The following ELOA2 variants were observed in gnomAD, a reference collection of about 807,000 sequenced individuals.
ELOA2 encodes the protein elongin-A2.
For synonymous variants in ELOA2, 497 were observed against 398.8 expected (o/e 1.25, Z -2.94); for missense variants, 1,271 against 979.7 (o/e 1.30, Z -3.97).
Position 47,034,235 on chromosome 18 carries a change from G to T in ELOA2, c.1030C>A (p.Arg344=), listed in dbSNP as rs539553515. The T allele has an allele frequency of 1.9e-5, 31 of 1,613,798 alleles. No homozygotes were observed. In the African/African-American group the frequency reaches 2.9e-4, roughly 15 times the overall value. ...PEEKEQLSND[R]ETQEGKPPTA... ...GGTGGCTTCCCCTCTTGAGTCTCTC[G>T]GTCGTTGGAAAGCTGCTCTTTCTCC... is the stretch of plus-strand genomic sequence containing the variant. The change falls in exon 1 of 1, where the codon CGA becomes AGA. Residue 344 remains arginine (R), a synonymous_variant. Transcript: ENST00000332567.
rs1170628063 is a variant in ELOA2 at position 47,035,181 on chromosome 18, C to G, written c.84G>C (p.Glu28Asp). The G allele has an allele frequency of 2.5e-6, 4 of 1,612,264 alleles. No individual in the cohort carries two copies. The highest frequency in any genetic ancestry group is 1.3e-5 in the African/African-American group (1 of 74,884). The change falls in exon 1 of 1, where the codon GAG (glutamate) becomes GAC (aspartate). Residue 28 changes from glutamate to aspartate, a missense_variant. Coordinates refer to ENST00000332567, the MANE Select transcript of ELOA2 (RefSeq NM_016427.3). ...LATKTEPKKLEKYLQKLSALP... is the reference protein window; with the variant it reads ...LATKTEPKKLDKYLQKLSALP... ...AGGCGGAGAGTTTCTGCAAATATTT[C>G]TCTAGCTTTTTCGGCTCCGTCTTAG...
Position 47,032,664 on chromosome 18 carries a change from A to G in ELOA2, c.*339T>C, listed in dbSNP as rs1254725650. The G allele has an allele frequency of 7.2e-6, 2 of 279,602 alleles. No homozygotes were observed. Among genetic ancestry groups the G allele is most frequent in the Admixed American group, 1.0e-4 (2 of 19,404 alleles). 17.3% of individuals were successfully genotyped at this position (279,602 alleles called of 1,614,324 possible). The stretch of plus-strand genomic sequence containing the variant: ...AGAAGTTCTTATCTACTTGATTTCG[A>G]AAAAAAAAAGAAAGGAAAAAGGAAA... On this transcript the variant is annotated 3_prime_UTR_variant, in exon 1 of 1. Transcript: ENST00000332567.
At position 47,032,769 on chromosome 18, in the gene ELOA2, T is replaced by A. The variant is rs141215719; in HGVS notation, c.*234A>T. ...CAGTGAACATCCAAAATAGAATTGT[T>A]CCCAATGCGTTCATATCTTCTGAAT... On this transcript the variant is annotated 3_prime_UTR_variant, in exon 1 of 1. Transcript: ENST00000332567. 3,606 of 692,710 alleles carry A rather than the reference T, an allele frequency of 5.2e-3. 14 individuals are homozygous for A. The highest frequency in any genetic ancestry group is 6.7e-3 in the Non-Finnish European group (2,816 of 421,844). The allele number at this position is 692,710 out of a possible 1,614,324, so 42.9% of individuals were successfully genotyped here. A position where few individuals can be genotyped will look rare whatever the true frequency, so the allele number is the denominator to read the frequency against.
At position 47,032,812 on chromosome 18, in the gene ELOA2, G is replaced by T; in HGVS notation, c.*191C>A. ...TTCTGAATTCTGAGGTGTTCTCCAA[G>T]CTGGGAGGTAGTGGCTGGGTGTGGG... On this transcript the variant is annotated 3_prime_UTR_variant, in exon 1 of 1. Transcript: ENST00000332567. 9.9e-7 allele frequency: 1 copy of T among 1,005,066 alleles called. No individual in the cohort carries two copies. Among genetic ancestry groups the T allele is most frequent in the Non-Finnish European group, 1.4e-6 (1 of 690,242 alleles). The allele number at this position is 1,005,066 out of a possible 1,614,324, so 62.3% of individuals were successfully genotyped here. A position where few individuals can be genotyped will look rare whatever the true frequency, so the allele number is the denominator to read the frequency against.
At position 47,034,579 on chromosome 18, in the gene ELOA2, G is replaced by A. The variant is rs967841942; in HGVS notation, c.686C>T (p.Ser229Leu). The A allele has an allele frequency of 1.2e-6, 2 of 1,614,192 alleles. No homozygotes were observed. Among genetic ancestry groups the A allele is most frequent in the South Asian group, 1.1e-5 (1 of 91,080 alleles). Residue 229 changes from serine (S) to leucine (L), a missense_variant, in exon 1 of 1, where the codon TCG becomes TTG. By Grantham distance (145) the Ser-to-Leu change is moderately radical (BLOSUM62 -2). Transcript: ENST00000332567. ...AVVSHSKGHK[S>L]SRQEKRPLCA... is the part of the protein sequence containing the mutation. ...CAAGGGGCGTTTTTCCTGGCGAGAC[G>A]ATTTGTGCCCCTTGCTGTGGCTCAC...
At position 47,034,389 on chromosome 18, in the gene ELOA2, C is replaced by G. The variant is rs1416199652; in HGVS notation, c.876G>C (p.Gln292His). Residue 292 changes from glutamine (Q) to histidine (H), a missense_variant, in exon 1 of 1, where the codon CAG becomes CAC. By Grantham distance (24) the Gln-to-His change is conservative. Coordinates refer to ENST00000332567, the MANE Select transcript of ELOA2 (RefSeq NM_016427.3). ...GAGCCTCCTCCAAGGCAGGGACACG[C>G]TGGCCGCTGCCAGCTTGCCCCCCTT... is the stretch of plus-strand genomic sequence containing the variant. Reference protein sequence around the residue: ...DKEGGQAGSGQRVPALEEAPD... With the variant: ...DKEGGQAGSGHRVPALEEAPD... 6.2e-7 allele frequency: 1 copy of G among 1,614,068 alleles called. No homozygotes were observed. The highest frequency in any genetic ancestry group is 8.5e-7 in the Non-Finnish European group (1 of 1,180,032).
chr18:47,032,814 T>A lies in ELOA2; in HGVS notation c.*189A>T. The A allele has an allele frequency of 2.0e-6, 2 of 1,019,172 alleles. No homozygotes were observed. Among genetic ancestry groups the A allele is most frequent in the Non-Finnish European group, 2.8e-6 (2 of 702,012 alleles). 63.1% of individuals were successfully genotyped at this position (1,019,172 alleles called of 1,614,324 possible). On this transcript the variant is annotated 3_prime_UTR_variant, in exon 1 of 1. Transcript: ENST00000332567. ...CTGAATTCTGAGGTGTTCTCCAAGC[T>A]GGGAGGTAGTGGCTGGGTGTGGGAG...
rs751401262 is a variant in ELOA2 at position 47,034,339 on chromosome 18, T to C, written c.926A>G (p.Gln309Arg). ...CCTCTTCTTGTTCGAGTGACTGTGC[T>C]GAGGCCTCTTCTGGTGACTGTCTGG... ...EAPDSHQKRP[Q>R]HSHSNKKRPS... Residue 309 changes from glutamine (Q) to arginine (R), a missense_variant, in exon 1 of 1, where the codon CAG (glutamine) becomes CGG (arginine). Transcript: ENST00000332567. The C allele has an allele frequency of 5.6e-6, 9 of 1,613,476 alleles. No homozygotes were observed. The highest frequency in any genetic ancestry group is 6.8e-6 in the Non-Finnish European group (8 of 1,179,526).
rs1239565290 is a variant in ELOA2, at chr18:47,035,039, G to C, written c.226C>G (p.Leu76Val). 3 of 1,611,878 alleles carry C rather than the reference G, an allele frequency of 1.9e-6. No individual in the cohort carries two copies. Among genetic ancestry groups the C allele is most frequent in the East Asian group, 4.5e-5 (2 of 44,876 alleles). ...CGGGTGTTTCGGTCCACGAGCACCA[G>C]CTTCTTCCACCGGGCCGCTAAGTCT... is the stretch of plus-strand genomic sequence containing the variant. ...ARDLAARWKK[L>V]VLVDRNTRPG... Residue 76 changes from leucine (L) to valine (V), a missense_variant, in exon 1 of 1, where the codon CTG becomes GTG. Coordinates refer to ENST00000332567, the MANE Select transcript of ELOA2 (RefSeq NM_016427.3).
rs1490082768 is a variant in ELOA2 at position 47,034,318 on chromosome 18, T to A, written c.947A>T (p.Lys316Met). The A allele has an allele frequency of 1.2e-6, 2 of 1,612,940 alleles. No individual in the cohort carries two copies. Among genetic ancestry groups the A allele is most frequent in the East Asian group, 2.2e-5 (1 of 44,830 alleles). The part of the protein sequence containing the change: ...KRPQHSHSNK[K>M]RPSLDGRDPG... ...GTCCCGGCCGTCTAGACTGGGCCTC[T>A]TCTTGTTCGAGTGACTGTGCTGAGG... The change falls in exon 1 of 1, where the codon AAG becomes ATG. Residue 316 changes from lysine to methionine, a missense_variant. By Grantham distance (95) the Lys-to-Met change is moderately conservative. Coordinates refer to ENST00000332567, the MANE Select transcript of ELOA2 (RefSeq NM_016427.3).
Position 47,035,109 on chromosome 18 carries a change from C to A in ELOA2, c.156G>T (p.Thr52=), listed in dbSNP as rs571433863. Residue 52 remains threonine, a synonymous_variant, in exon 1 of 1, where the codon ACG becomes ACT. Coordinates refer to ENST00000332567, the MANE Select transcript of ELOA2 (RefSeq NM_016427.3). The part of the protein sequence containing the change: ...DILAETGIRK[T]VKRLRKHQHV... ...GCTGGTGCTTCCGCAGGCGCTTCAC[C>A]GTCTTTCTGATTCCAGTCTCCGCCA... 4 of 1,611,080 alleles carry A rather than the reference C, an allele frequency of 2.5e-6. No individual in the cohort carries two copies. The highest frequency in any genetic ancestry group is 3.3e-5 in the Admixed American group (2 of 59,818).
In ELOA2 at chr18:47,034,158, C is replaced by A; in HGVS notation, c.1107G>T (p.Glu369Asp). Residue 369 changes from glutamate (E) to aspartate (D), a missense_variant, in exon 1 of 1, where the codon GAG becomes GAT. Physicochemically the swap from Glu to Asp is conservative, Grantham distance 45. Coordinates refer to ENST00000332567, the MANE Select transcript of ELOA2 (RefSeq NM_016427.3). Reference sequence around the variant, plus strand: ...GCTCGAATTCCTCAGCCATATCTACCTCCTCCACCTCAGAGAGGGAGCTCA... The same window carrying A: ...GCTCGAATTCCTCAGCCATATCTACATCCTCCACCTCAGAGAGGGAGCTCA... ...TSVSSLSEVE[E>D]VDMAEEFEQP... 6.2e-7 allele frequency: 1 copy of A among 1,614,214 alleles called. No homozygotes were observed. Among genetic ancestry groups the A allele is most frequent in the Non-Finnish European group, 8.5e-7 (1 of 1,180,048 alleles).
Position 47,032,894 on chromosome 18 carries a change from CACCAAGTTAA to C in ELOA2, c.*99_*108del. 1 of 1,590,168 alleles carries C rather than the reference CACCAAGTTAA, an allele frequency of 6.3e-7. No homozygotes were observed. Among genetic ancestry groups the C allele is most frequent in the Non-Finnish European group, 8.6e-7 (1 of 1,167,446 alleles). ...TGCAGAATTCAAAGGCTCAACTTTG[CACCAAGTTAA>C]AGGTTCTGGTGTCCATTGGAAGTTT... On this transcript the variant is annotated 3_prime_UTR_variant, in exon 1 of 1. Coordinates refer to ENST00000332567, the MANE Select transcript of ELOA2 (RefSeq NM_016427.3).
In ELOA2 at chr18:47,032,848, A is replaced by G. The variant is rs2060539599; in HGVS notation, c.*155T>C. On this transcript the variant is annotated 3_prime_UTR_variant, in exon 1 of 1. Coordinates refer to ENST00000332567, the MANE Select transcript of ELOA2 (RefSeq NM_016427.3). ...GTGGCTGGGTGTGGGAGGCAAAATC[A>G]CAGGGCCAGCACATGACACCTGCAG... The G allele has an allele frequency of 1.4e-6, 2 of 1,457,262 alleles. No individual in the cohort carries two copies. Among genetic ancestry groups the G allele is most frequent in the Non-Finnish European group, 1.8e-6 (2 of 1,081,520 alleles). The allele number at this position is 1,457,262 out of a possible 1,614,324, so 90.3% of individuals were successfully genotyped here. A position where few individuals can be genotyped will look rare whatever the true frequency, so the allele number is the denominator to read the frequency against.
In ELOA2 at chr18:47,033,230, C is replaced by A. The variant is rs753794295; in HGVS notation, c.2035G>T (p.Ala679Ser). 1 of 1,613,786 alleles carries A rather than the reference C, an allele frequency of 6.2e-7. No individual in the cohort carries two copies. The highest frequency in any genetic ancestry group is 1.1e-5 in the South Asian group (1 of 91,078). The change falls in exon 1 of 1, where the codon GCG becomes TCG. Residue 679 changes from alanine to serine, a missense_variant. Coordinates refer to ENST00000332567, the MANE Select transcript of ELOA2 (RefSeq NM_016427.3). The part of the protein sequence containing the change: ...NGEIKPASKP[A>S]GSSHTPSSQS... ...CTGGAGGGAGTGTGGCTGCTTCCCG[C>A]GGGCTTGGAGGCTGGCTTGATCTCC...
rs2060728936 is a variant in ELOA2 at position 47,035,465 on chromosome 18, C to G, written c.-201G>C. ...CTGGAACGGCCGTCCTTGCAGACAGCTGAGCAGGCCCGCTTTTGTTCCTCG... is the reference window on the plus strand; with the variant it reads ...CTGGAACGGCCGTCCTTGCAGACAGGTGAGCAGGCCCGCTTTTGTTCCTCG... On this transcript the variant is annotated 5_prime_UTR_variant, in exon 1 of 1. Coordinates refer to ENST00000332567, the MANE Select transcript of ELOA2 (RefSeq NM_016427.3). The G allele has an allele frequency of 8.9e-7, 1 of 1,125,770 alleles. No individual in the cohort carries two copies. Among genetic ancestry groups the G allele is most frequent in the Non-Finnish European group, 1.2e-6 (1 of 802,420 alleles). 69.7% of individuals were successfully genotyped at this position (1,125,770 alleles called of 1,614,324 possible). A position where few individuals can be genotyped will look rare whatever the true frequency, so the allele number is the denominator to read the frequency against.
chr18:47,035,316 T>C lies in ELOA2; in HGVS notation c.-52A>G, dbSNP rs766925346. 1.2e-6 allele frequency: 2 copies of C among 1,610,074 alleles called. No homozygotes were observed. The highest frequency in any genetic ancestry group is 2.2e-5 in the East Asian group (1 of 44,828). ...GTCCCGGCGGTCGCAGCTCTGTCTT[T>C]GGGGCTGCGGGACAGGAAGTCTGGG... On this transcript the variant is annotated 5_prime_UTR_variant, in exon 1 of 1. Coordinates refer to ENST00000332567, the MANE Select transcript of ELOA2 (RefSeq NM_016427.3).
rs376146729 is a variant in ELOA2 at position 47,033,838 on chromosome 18, G to A, written c.1427C>T (p.Pro476Leu). The change falls in exon 1 of 1, where the codon CCG becomes CTG. Residue 476 changes from proline to leucine, a missense_variant. Physicochemically the swap from Pro to Leu is moderately conservative, Grantham distance 98. Transcript: ENST00000332567. ...GGTCATGGAGTCAGAATCCGAAAGC[G>A]GATCGTAGTTGGCCTGCATCCAGGC... ...SEAWMQANYD[P>L]LSDSDSMTSQ... 22 of 1,613,928 alleles carry A rather than the reference G, an allele frequency of 1.4e-5. No individual in the cohort carries two copies. Among genetic ancestry groups the A allele is most frequent in the African/African-American group, 8.0e-5 (6 of 74,930 alleles).
chr18:47,033,289 T>C lies in ELOA2; in HGVS notation c.1976A>G (p.Glu659Gly). 2 of 1,613,538 alleles carry C rather than the reference T, an allele frequency of 1.2e-6. No individual in the cohort carries two copies. The highest frequency in any genetic ancestry group is 4.5e-5 in the East Asian group (2 of 44,888). The part of the protein sequence containing the change: ...KTPYDTSRRQ[E>G]KSAGDADPEN... ...GGGGTCAGCGTCTCCTGCAGACTTCTCTTGCCTCCTTGAAGTATCATAAGG... is the reference window on the plus strand; with the variant it reads ...GGGGTCAGCGTCTCCTGCAGACTTCCCTTGCCTCCTTGAAGTATCATAAGG... The change falls in exon 1 of 1, where the codon GAG becomes GGG. Residue 659 changes from glutamate to glycine, a missense_variant. Glu to Gly is a moderately conservative substitution (Grantham distance 98). Transcript: ENST00000332567.
Sources: allele counts gnomAD v4.1 joint callset, GRCh38; gene constraint gnomAD v4.1.1; transcripts MANE v1.5; gene names NCBI Gene and HGNC (gene_info 2026-07-23, HGNC 2026-07-21).